The following OR10J1 variants were observed in gnomAD, a reference collection of about 807,000 sequenced individuals.
OR10J1 encodes the protein olfactory receptor 10J1.
For missense variants in OR10J1, 474 were observed against 376.6 expected, an observed-to-expected ratio of 1.26 and a Z score of -2.14; for synonymous variants, 202 against 143.8, an observed-to-expected ratio of 1.40 and a Z score of -2.89.
At chr1:159,434,389 G>A (rs764102001), upstream of OR10J1, among the ~76,000 whole-genome samples, 3 of 152,088 alleles carry the variant, frequency 2.0e-5, no homozygotes, top group Admixed American at 6.5e-5. Flanking sequence ...TTGGACTTTG[G>A]AATCAGTCTG....
chr1:159,430,905 T>C, the OR10J1 span, among the ~76,000 whole-genome samples: 3 of 152,168 alleles, frequency 2.0e-5, no homozygotes, highest in Non-Finnish European at 4.4e-5. Context: ...TGGAGACAAA[T>C]GAAACGAGCA....
chr1:159,403,995 A>G, the OR10J1 span, among the ~76,000 whole-genome samples: 1 of 152,164 alleles, frequency 6.6e-6, no homozygotes, highest in African/African-American at 2.4e-5. Context: ...CATTACATTA[A>G]ATGAAATAAG....
the OR10J1 span, among the ~76,000 whole-genome samples, chr1:159,418,599 C>T: frequency 6.6e-6 from 1 of 152,160 alleles, no homozygotes; most frequent in Non-Finnish European, 1.5e-5. Flanking sequence ...AGGGGTGGGG[C>T]CTTCACAGAG....
At chr1:159,431,216 T>G in the OR10J1 span, among the ~76,000 whole-genome samples, 1 of 152,162 alleles carries the variant, frequency 6.6e-6, no homozygotes, top group East Asian at 1.9e-4. Flanking sequence ...CACTGGACTA[T>G]CCACACGGGA....
chr1:159,427,579 ATAAT>A, the OR10J1 span, among the ~76,000 whole-genome samples: 1 of 152,012 alleles, frequency 6.6e-6, no homozygotes, highest in East Asian at 1.9e-4. Context: ...ATATATTACC[ATAAT>A]TAGACAAGAA....
the OR10J1 span, among the ~76,000 whole-genome samples, chr1:159,421,896 C>T: frequency 5.2e-4 from 79 of 152,184 alleles, 1 homozygote; most frequent in East Asian, 0.013. Context: ...TGGGTACCAG[C>T]AGTGGCAGGG....
the OR10J1 span, among the ~76,000 whole-genome samples, chr1:159,417,252 T>C: frequency 6.6e-6 from 1 of 152,216 alleles, no homozygotes; most frequent in Non-Finnish European, 1.5e-5. Context: ...AGTCTTGGTA[T>C]GTTGTGTTTC....
chr1:159,406,052 C>T, the OR10J1 span: 1 of 423,202 alleles, frequency 2.4e-6, no homozygotes, highest in South Asian at 2.1e-5. Flanking sequence ...TGCCAAAAGT[C>T]ACATAGAAGA....
rs1655886940 is a variant in OR10J1, at chr1:159,440,146, G to C, written c.355G>C (p.Gly119Arg). 6.2e-7 allele frequency: 1 copy of C among 1,613,916 alleles called. No homozygotes were observed. Among genetic ancestry groups the C allele is most frequent in the African/African-American group, 1.3e-5 (1 of 74,872 alleles). ...ITNCFLLTAMGYDRYVAICNP... is the reference protein window; with the variant it reads ...ITNCFLLTAMRYDRYVAICNP... ...TAACTGCTTCCTGCTCACAGCAATG[G>C]GATATGACCGCTATGTGGCCATCTG... The change falls in exon 1 of 1, where the codon GGA becomes CGA. Residue 119 changes from glycine (G) to arginine (R), a missense_variant. Coordinates refer to ENST00000423932, the MANE Select transcript of OR10J1 (RefSeq NM_012351.3).
At chr1:159,411,254 G>T in the OR10J1 span, among the ~76,000 whole-genome samples, 2 of 152,114 alleles carry the variant, frequency 1.3e-5, no homozygotes, top group African/African-American at 4.8e-5. Context: ...GGGTATCCTT[G>T]TTAACTTTCT....
At position 159,440,348 on chromosome 1, in the gene OR10J1, T is replaced by C; in HGVS notation, c.557T>C (p.Leu186Pro). The C allele has an allele frequency of 6.2e-7, 1 of 1,614,168 alleles. No individual in the cohort carries two copies. The highest frequency in any genetic ancestry group is 8.5e-7 in the Non-Finnish European group (1 of 1,180,018). Residue 186 changes from leucine (L) to proline (P), a missense_variant, in exon 1 of 1, where the codon CTC (leucine) becomes CCC (proline). Physicochemically the swap from Leu to Pro is moderately conservative, Grantham distance 98 (BLOSUM62 -3). Transcript: ENST00000423932. Reference sequence around the variant, plus strand: ...TGTGACATCCGCCCTGTGATGAAGCTCTCCTGCATTGACACCACTGTCAAT... The same window carrying C: ...TGTGACATCCGCCCTGTGATGAAGCCCTCCTGCATTGACACCACTGTCAAT... ...FFCDIRPVMK[L>P]SCIDTTVNEI...
At chr1:159,418,467 C>T in the OR10J1 span, among the ~76,000 whole-genome samples, 1 of 152,188 alleles carries the variant, frequency 6.6e-6, no homozygotes, top group Non-Finnish European at 1.5e-5. Flanking sequence ...CATACCTTGG[C>T]AGCTGCCATG....
At chr1:159,433,555 C>A (rs1024769486), upstream of OR10J1, among the ~76,000 whole-genome samples, 1 of 152,156 alleles carries the variant, frequency 6.6e-6, no homozygotes, top group Non-Finnish European at 1.5e-5. Flanking sequence ...ACCACCACCC[C>A]TTGTCTGAAG....
chr1:159,424,350 A>G, the OR10J1 span, among the ~76,000 whole-genome samples: 2 of 151,168 alleles, frequency 1.3e-5, no homozygotes, highest in Non-Finnish European at 2.9e-5. Flanking sequence ...TATGATTTAA[A>G]TGCATGTAAA....
chr1:159,406,927 T>A, the OR10J1 span, among the ~76,000 whole-genome samples: 2 of 152,166 alleles, frequency 1.3e-5, no homozygotes, highest in African/African-American at 4.8e-5. Flanking sequence ...CTCCTTTAGA[T>A]GACTAGTGCA....
At chr1:159,439,657 T>A (rs1655845293), upstream of OR10J1, 2 of 1,038,210 alleles carry the variant, frequency 1.9e-6, no homozygotes, top group African/African-American at 1.6e-5. Flanking sequence ...ATTAACTTAA[T>A]CCACTAGGAA....
At chr1:159,413,932 C>A in the OR10J1 span, among the ~76,000 whole-genome samples, 3 of 151,940 alleles carry the variant, frequency 2.0e-5, no homozygotes, top group Admixed American at 2.0e-4. Flanking sequence ...GTATAGTTCA[C>A]ACTTATTTAA....
the OR10J1 span, among the ~76,000 whole-genome samples, chr1:159,418,837 G>C: frequency 2.0e-5 from 3 of 152,186 alleles, no homozygotes; most frequent in African/African-American, 4.8e-5. Flanking sequence ...AAAGCCACAG[G>C]GGTGGAGCTG....
the OR10J1 span, among the ~76,000 whole-genome samples, chr1:159,424,073 G>A: frequency 1.3e-4 from 20 of 151,856 alleles, no homozygotes; most frequent in African/African-American, 3.1e-4. Flanking sequence ...AAAATTAGCC[G>A]GGTGAGGTGG....
Sources: allele counts gnomAD v4.1 joint callset (sites outside exome capture counted in the v4.1 genomes callset), GRCh38; gene constraint gnomAD v4.1.1; transcripts MANE v1.5; gene names NCBI Gene and HGNC (gene_info 2026-07-23, HGNC 2026-07-21).